HSD11B1: variants seen among roughly 807,000 people sequenced by gnomAD.
The protein encoded by HSD11B1 is hydroxysteroid 11-beta dehydrogenase 1.
HSD11B1 carries 15 observed loss-of-function variants against 22.1 expected under a neutral mutation model. That is an observed-to-expected ratio of 0.68 (90% CI 0.45 to 1.04). The LOEUF is 1.04. HSD11B1 is among the 50% of genes least tolerant of loss of function. The pLI, the probability that HSD11B1 is intolerant of heterozygous loss-of-function variation, is 0.00. For synonymous variants in HSD11B1, 122 were observed against 125.2 expected (o/e 0.97, Z 0.17); for missense variants, 281 against 357.6 (o/e 0.79, Z 1.73).
At chr1:209,699,429 A>G (rs2076813271) in intron 1 of HSD11B1, among the ~76,000 whole-genome samples, 2 of 152,196 alleles carry the variant, frequency 1.3e-5, no homozygotes, top group African/African-American at 4.8e-5. Context: ...AATGAGAAAG[A>G]AGCAAAAGCA....
intron 4 of HSD11B1, 112 bp downstream of exon 4, chr1:209,707,240 A>G: frequency 1.1e-6 from 1 of 917,538 alleles, no homozygotes; most frequent in Non-Finnish European, 1.8e-6. Context: ...CAGAGAAGTA[A>G]TGAGGGATTG....
chr1:209,730,448 A>G (rs890885492), intron 4 of HSD11B1, among the ~76,000 whole-genome samples: 2 of 152,252 alleles, frequency 1.3e-5, no homozygotes, highest in African/African-American at 4.8e-5. Context: ...TTTATTGGAA[A>G]TCAATATCTT....
chr1:209,719,361 G>A (rs79096793), intron 4 of HSD11B1, among the ~76,000 whole-genome samples: 5,960 of 152,254 alleles, frequency 0.039, 540 homozygotes, highest in East Asian at 0.28. Context: ...TTCCACTTAC[G>A]TGAAGTTCTT....
chr1:209,733,756 CA>C (rs1474093081), intron 5 of HSD11B1, among the ~76,000 whole-genome samples: 3 of 151,902 alleles, frequency 2.0e-5, no homozygotes, highest in African/African-American at 4.8e-5. Context: ...GACCGAGACC[CA>C]GGGGGAAACA....
intron 4 of HSD11B1, among the ~76,000 whole-genome samples, chr1:209,721,653 G>T (rs1159585185): frequency 6.6e-6 from 1 of 152,056 alleles, no homozygotes; most frequent in Non-Finnish European, 1.5e-5. Context: ...ATTATTTTCA[G>T]TTCAGCTTTC....
intron 5 of HSD11B1, among the ~76,000 whole-genome samples, chr1:209,733,898 T>C (rs531355620): frequency 6.6e-6 from 1 of 152,300 alleles, no homozygotes; most frequent in Non-Finnish European, 1.5e-5. Flanking sequence ...TACAAGACAG[T>C]AAGTCATTAT....
intron 4 of HSD11B1, among the ~76,000 whole-genome samples, chr1:209,717,060 A>G (rs940269017): frequency 3.3e-5 from 5 of 152,348 alleles, no homozygotes; most frequent in African/African-American, 1.2e-4. Flanking sequence ...AGAGGACTAT[A>G]TTAAACTAAA....
At chr1:209,711,144 G>A (rs900156997) in intron 4 of HSD11B1, among the ~76,000 whole-genome samples, 1 of 152,186 alleles carries the variant, frequency 6.6e-6, no homozygotes, top group Non-Finnish European at 1.5e-5. Flanking sequence ...ACATTATGAA[G>A]TGGGGGGAGA....
chr1:209,729,461 A>C (rs1334611147), intron 4 of HSD11B1, among the ~76,000 whole-genome samples: 1 of 152,074 alleles, frequency 6.6e-6, no homozygotes. Flanking sequence ...TGGCAGCTCC[A>C]TGGTCACCCA....
chr1:209,729,476 C>T lies in HSD11B1; in HGVS notation c.518-2960C>T, dbSNP rs115321539. ...TGGCAGCTCCATGGTCACCCAGGTT[C>T]CTTCCTTCTATCTAAACTATCTAAA... On this transcript the variant is annotated intron_variant, in intron 4 of 5. Coordinates refer to ENST00000367027, the MANE Select transcript of HSD11B1 (RefSeq NM_005525.4). Among the ~76,000 whole-genome samples the T allele has an allele frequency of 6.1e-3, 934 of 152,130 alleles. 12 individuals carry two copies. Among genetic ancestry groups the T allele is most frequent in the African/African-American group, 0.022 (893 of 41,500 alleles).
Position 209,689,476 on chromosome 1 carries a change from T to C in HSD11B1, c.-49+3191T>C, listed in dbSNP as rs188396511. 2.8e-3 allele frequency among the ~76,000 whole-genome samples: 420 copies of C among 152,322 alleles called. 3 individuals carry two copies. The highest frequency in any genetic ancestry group is 9.6e-3 in the African/African-American group (398 of 41,578). On this transcript the variant is annotated intron_variant, in intron 1 of 6. Transcript: ENST00000261465. ...TCACCAGGTGATATAGTTTGGATATTTGTCCCCTCCAAGTTGCATGTTGAA... is the reference window on the plus strand; with the variant it reads ...TCACCAGGTGATATAGTTTGGATATCTGTCCCCTCCAAGTTGCATGTTGAA...
At chr1:209,688,183 T>C (rs760809132) in intron 1 of HSD11B1, among the ~76,000 whole-genome samples, 47 of 152,258 alleles carry the variant, frequency 3.1e-4, no homozygotes, top group South Asian at 2.1e-4. Flanking sequence ...GCTACCTGAG[T>C]TGCCTCCAAA....
intron 4 of HSD11B1, among the ~76,000 whole-genome samples, chr1:209,709,665 C>G (rs1269799981): frequency 6.6e-6 from 1 of 152,120 alleles, no homozygotes; most frequent in Admixed American, 6.5e-5. Context: ...ACCTGCATGT[C>G]CAAGATGGCT....
intron 1 of HSD11B1, among the ~76,000 whole-genome samples, chr1:209,693,851 A>G (rs1350344626): frequency 6.6e-6 from 1 of 152,108 alleles, no homozygotes; most frequent in African/African-American, 2.4e-5. Context: ...TCTTCAACTC[A>G]CAGCATTTCC....
chr1:209,729,363 AACACACACACAC>A (rs34574844), intron 4 of HSD11B1, among the ~76,000 whole-genome samples: 118 of 146,438 alleles, frequency 8.1e-4, no homozygotes, highest in South Asian at 1.8e-3. Context: ...TGCCTCGGAA[AACACACACACAC>A]ACACACACAC....
chr1:209,734,519 T>G lies in HSD11B1; in HGVS notation c.877T>G (p.Ter293GluextTer9). The G allele has an allele frequency of 6.2e-7, 1 of 1,609,842 alleles. No homozygotes were observed. The highest frequency in any genetic ancestry group is 1.1e-5 in the South Asian group (1 of 90,964). ...SYNMDRFINK[*>E] The stretch of plus-strand genomic sequence containing the variant: ...TAATATGGACAGATTCATAAACAAG[T>G]AGGAACTCCCTGAGGGCTGGGCATG... Residue 293 changes from the stop codon to glutamate, a stop_lost, in exon 6 of 6, where the codon TAG becomes GAG. Coordinates refer to ENST00000367027, the MANE Select transcript of HSD11B1 (RefSeq NM_005525.4).
rs2102404374 is a variant in HSD11B1 at position 209,734,722 on chromosome 1, A to G, written c.*201A>G. On this transcript the variant is annotated 3_prime_UTR_variant, in exon 6 of 6. Coordinates refer to ENST00000367027, the MANE Select transcript of HSD11B1 (RefSeq NM_005525.4). Reference sequence around the variant, plus strand: ...AATAATGAATGTCATGCACCGCTGCAGCCAGCAGTTGTAAAATTGTTAGTA... The same window carrying G: ...AATAATGAATGTCATGCACCGCTGCGGCCAGCAGTTGTAAAATTGTTAGTA... The G allele has an allele frequency of 1.9e-6, 1 of 532,900 alleles. No homozygotes were observed. The highest frequency in any genetic ancestry group is 3.2e-5 in the East Asian group (1 of 30,902). The allele number at this position is 532,900 out of a possible 1,614,324, so 33.0% of individuals were successfully genotyped here.
upstream of HSD11B1, among the ~76,000 whole-genome samples, chr1:209,701,219 T>G (rs374862432): frequency 1.3e-5 from 2 of 152,332 alleles, no homozygotes; most frequent in East Asian, 1.9e-4. Context: ...AAAGAGAGGT[T>G]TAATTGGACT....
intron 4 of HSD11B1, among the ~76,000 whole-genome samples, chr1:209,721,957 T>C (rs1309224104): frequency 6.6e-6 from 1 of 152,170 alleles, no homozygotes; most frequent in Non-Finnish European, 1.5e-5. Flanking sequence ...GCCCCTCTCA[T>C]ATGGCTTAAG....
Sources: allele counts gnomAD v4.1 joint callset (sites outside exome capture counted in the v4.1 genomes callset), GRCh38; gene constraint gnomAD v4.1.1; transcripts MANE v1.5; gene names NCBI Gene and HGNC (gene_info 2026-07-23, HGNC 2026-07-21).